The following CNTN5 variants were observed in gnomAD, a reference collection of about 807,000 sequenced individuals.
CNTN5 encodes the protein contactin 5.
CNTN5 carries 77 observed loss-of-function variants against 129.1 expected under a neutral mutation model. The ratio of observed to expected loss-of-function variants is 0.60; its 90% confidence interval spans 0.50 to 0.72. The LOEUF (loss-of-function observed/expected upper bound fraction) is 0.72. CNTN5 is among the 30% of genes least tolerant of loss of function. The pLI, the probability that CNTN5 is intolerant of heterozygous loss-of-function variation, is 0.00. For missense variants in CNTN5, 1,478 were observed against 1,328.8 expected (o/e 1.11, Z -1.75); for synonymous variants, 509 against 465.6 (o/e 1.09, Z -1.20).
intron 2 of CNTN5, among the ~76,000 whole-genome samples, chr11:99,540,236 A>G (rs1948052784): frequency 6.6e-6 from 1 of 152,214 alleles, no homozygotes; most frequent in Non-Finnish European, 1.5e-5. Flanking sequence ...TGATAACTAA[A>G]TATGTGTTGT....
At chr11:99,515,642 T>G (rs781221071) in intron 2 of CNTN5, among the ~76,000 whole-genome samples, 13 of 152,034 alleles carry the variant, frequency 8.6e-5, no homozygotes, top group Non-Finnish European at 1.3e-4. Flanking sequence ...AATTGTCCCC[T>G]CAATTTATTA....
At chr11:99,116,867 T>C (rs1206071139) in intron 1 of CNTN5, among the ~76,000 whole-genome samples, 2 of 152,174 alleles carry the variant, frequency 1.3e-5, no homozygotes, top group Admixed American at 1.3e-4. Context: ...GGCATCCAAG[T>C]AAATAGAGTA....
rs149876047 is a variant in CNTN5, at chr11:100,014,316, C to A, written c.980+12180C>A. Reference sequence around the variant, plus strand: ...TCATTATCGACCTCTGCCAAATCTTCCATCCCAATCTGCCAGACATTTAAA... The same window carrying A: ...TCATTATCGACCTCTGCCAAATCTTACATCCCAATCTGCCAGACATTTAAA... On this transcript the variant is annotated intron_variant, in intron 9 of 24. Transcript: ENST00000524871. Among the ~76,000 whole-genome samples the A allele has an allele frequency of 6.0e-3, 915 of 152,254 alleles. 13 individuals carry two copies. The highest frequency in any genetic ancestry group is 0.021 in the African/African-American group (864 of 41,554).
At chr11:100,170,807 G>GA (rs530884203) in intron 13 of CNTN5, among the ~76,000 whole-genome samples, 12 of 144,918 alleles carry the variant, frequency 8.3e-5, no homozygotes, top group East Asian at 6.1e-4. Context: ...TCAGAGAAAG[G>GA]AAAAAAAAAG....
At chr11:99,755,801 T>G (rs1218641089) in intron 3 of CNTN5, among the ~76,000 whole-genome samples, 1 of 152,060 alleles carries the variant, frequency 6.6e-6, no homozygotes, top group East Asian at 1.9e-4. Context: ...TACTCTTAAC[T>G]CCTTAAGAAG....
chr11:99,711,234 T>C (rs1174085707), intron 3 of CNTN5, among the ~76,000 whole-genome samples: 1 of 151,944 alleles, frequency 6.6e-6, no homozygotes, highest in African/African-American at 2.4e-5. Flanking sequence ...AGATAGATGA[T>C]ATTTATAAAT....
intron 7 of CNTN5, among the ~76,000 whole-genome samples, chr11:99,933,227 T>C (rs1012777069): frequency 2.0e-5 from 3 of 152,130 alleles, no homozygotes; most frequent in African/African-American, 7.2e-5. Flanking sequence ...AAATAGAAAA[T>C]GTTATCTTCA....
intron 1 of CNTN5, among the ~76,000 whole-genome samples, chr11:99,175,147 T>C (rs1396057369): frequency 6.6e-6 from 1 of 151,962 alleles, no homozygotes; most frequent in African/African-American, 2.4e-5. Flanking sequence ...GGCAGAAGGA[T>C]TGCTTGAGCC....
intron 2 of CNTN5, among the ~76,000 whole-genome samples, chr11:99,461,736 G>A (rs1944706536): frequency 6.6e-6 from 1 of 151,960 alleles, no homozygotes; most frequent in Admixed American, 6.6e-5. Flanking sequence ...GTTTCACAAA[G>A]TATAAACTCT....
At chr11:99,717,475 A>T (rs1458917699) in intron 3 of CNTN5, among the ~76,000 whole-genome samples, 1 of 152,060 alleles carries the variant, frequency 6.6e-6, no homozygotes, top group Non-Finnish European at 1.5e-5. Flanking sequence ...AAAGATAAAA[A>T]ATAAGAGTAT....
intron 1 of CNTN5, among the ~76,000 whole-genome samples, chr11:99,044,944 A>G (rs2135152197): frequency 1.3e-5 from 2 of 152,232 alleles, no homozygotes; most frequent in Non-Finnish European, 2.9e-5. Context: ...TGGTGTAGTT[A>G]TTCCACCTTT....
chr11:99,137,885 C>T (rs1055926268), intron 1 of CNTN5, among the ~76,000 whole-genome samples: 1 of 152,104 alleles, frequency 6.6e-6, no homozygotes, highest in African/African-American at 2.4e-5. Context: ...TTAACATTCT[C>T]ACTATAGACA....
chr11:99,600,486 C>T (rs1403547462), intron 3 of CNTN5, among the ~76,000 whole-genome samples: 2 of 152,050 alleles, frequency 1.3e-5, no homozygotes, highest in Non-Finnish European at 2.9e-5. Flanking sequence ...TAACTTTGCC[C>T]ACTTCAGCTG....
intron 1 of CNTN5, among the ~76,000 whole-genome samples, chr11:99,126,234 G>C (rs1858625699): frequency 6.6e-6 from 1 of 152,124 alleles, no homozygotes; most frequent in Non-Finnish European, 1.5e-5. Flanking sequence ...TGCCTTTTAA[G>C]TATTCTTACT....
intron 13 of CNTN5, among the ~76,000 whole-genome samples, chr11:100,086,833 C>T (rs1944576079): frequency 6.6e-6 from 1 of 151,286 alleles, no homozygotes; most frequent in South Asian, 2.1e-4. Flanking sequence ...AAAATTTCCC[C>T]ACTATCAGAG....
At chr11:99,388,655 T>C (rs1191664423) in intron 2 of CNTN5, among the ~76,000 whole-genome samples, 1 of 152,176 alleles carries the variant, frequency 6.6e-6, no homozygotes, top group Admixed American at 6.6e-5. Flanking sequence ...ATTGTAAACA[T>C]GTACTTAAAT....
chr11:99,200,171 A>T (rs1172818675), intron 1 of CNTN5, among the ~76,000 whole-genome samples: 1 of 152,108 alleles, frequency 6.6e-6, no homozygotes, highest in African/African-American at 2.4e-5. Flanking sequence ...TCTATAAAAG[A>T]TCTCTCACCA....
At chr11:99,273,897 T>G (rs1269484011) in intron 1 of CNTN5, among the ~76,000 whole-genome samples, 1 of 151,728 alleles carries the variant, frequency 6.6e-6, no homozygotes, top group Non-Finnish European at 1.5e-5. Context: ...AAAAAATACA[T>G]TGCTTCTTAG....
At chr11:99,724,754 C>CA (rs199855536) in intron 3 of CNTN5, among the ~76,000 whole-genome samples, 54 of 150,694 alleles carry the variant, frequency 3.6e-4, no homozygotes, top group African/African-American at 8.3e-4. Context: ...CAGTATCTGA[C>CA]AAAAAAAAAT....
Sources: allele counts gnomAD v4.1 joint callset (sites outside exome capture counted in the v4.1 genomes callset), GRCh38; gene constraint gnomAD v4.1.1; transcripts MANE v1.5; gene names NCBI Gene and HGNC (gene_info 2026-07-23, HGNC 2026-07-21).